PCNX2: variants seen among roughly 807,000 people sequenced by gnomAD.
PCNX2 encodes pecanex-like protein 2.
PCNX2 carries 168 observed loss-of-function variants against 223.8 expected under a neutral mutation model. The observed-to-expected ratio is 0.75, with a 90% confidence interval of 0.66 to 0.85. The LOEUF is 0.85. PCNX2 is among the 40% of genes least tolerant of loss of function. The pLI is 0.00. For missense variants in PCNX2, 2,507 were observed against 2,675.5 expected (o/e 0.94, Z 1.39); for synonymous variants, 1,006 against 1,052.6 (o/e 0.96, Z 0.86).
intron 7 of PCNX2, among the ~76,000 whole-genome samples, 140 bp downstream of exon 7, chr1:233,252,201 GCACACTCCATTCA>G (rs1659497181): frequency 6.6e-6 from 1 of 152,238 alleles, no homozygotes; most frequent in Non-Finnish European, 1.5e-5. Context: ...ATGGGAGGCA[GCACACTCCATTCA>G]AAGAACAGTA....
intron 23 of PCNX2, chr1:233,086,934 G>A (rs1251299173): frequency 1.3e-6 from 1 of 793,030 alleles, no homozygotes; most frequent in Non-Finnish European, 1.5e-6. Context: ...TTTTAGGACA[G>A]CTATCCTAGA....
Position 232,999,203 on chromosome 1 carries a change from G to C in PCNX2, c.5505C>G (p.Thr1835=). ...LGYPMYVSPL[T]TSYLGTHRQL... is the part of the protein sequence containing the mutation. The stretch of plus-strand genomic sequence containing the variant: ...GCCTGTGTGTCCCTAGGTAGGATGT[G>C]GTTAGTGGGGAGACATACATGGGGT... Residue 1835 remains threonine (T), a synonymous_variant, in exon 31 of 34, where the codon ACC becomes ACG. Coordinates refer to ENST00000258229, the MANE Select transcript of PCNX2 (RefSeq NM_014801.4). 6.2e-7 allele frequency: 1 copy of C among 1,613,928 alleles called. No homozygotes were observed. Among genetic ancestry groups the C allele is most frequent in the Admixed American group, 1.7e-5 (1 of 60,018 alleles).
In PCNX2 at chr1:233,014,658, C is replaced by G. The variant is rs75089072; in HGVS notation, c.4952+7G>C. On this transcript the variant is annotated splice_region_variant and intron_variant, in intron 28 of 33. Coordinates refer to ENST00000258229, the MANE Select transcript of PCNX2 (RefSeq NM_014801.4). ...CCTAAGAGATTCTAACTTCTCCCCC[C>G]AGGTACCTGATGGCCATATTGTGAG... 8 of 1,611,380 alleles carry G rather than the reference C, an allele frequency of 5.0e-6. No homozygotes were observed. In the South Asian group the frequency reaches 7.7e-5, roughly 15 times the overall value.
At chr1:233,317,124 G>A in the PCNX2 span, among the ~76,000 whole-genome samples, 1 of 152,190 alleles carries the variant, frequency 6.6e-6, no homozygotes, top group East Asian at 1.9e-4. Context: ...GAATACTGGT[G>A]ACAACAGGGC....
At chr1:233,088,559 G>A (rs1324140581) in intron 23 of PCNX2, among the ~76,000 whole-genome samples, 2 of 152,106 alleles carry the variant, frequency 1.3e-5, no homozygotes, top group Non-Finnish European at 1.5e-5. Flanking sequence ...AAATGCAAAT[G>A]AGCAGCCTTG....
At chr1:233,231,522 G>T in intron 9 of PCNX2, 1 of 572,944 alleles carries the variant, frequency 1.7e-6, no homozygotes, top group Non-Finnish European at 2.2e-6. Flanking sequence ...AGTCAGAACA[G>T]GCACAGATGG....
At chr1:233,119,077 C>T (rs915033586) in intron 21 of PCNX2, among the ~76,000 whole-genome samples, 2 of 151,918 alleles carry the variant, frequency 1.3e-5, no homozygotes, top group African/African-American at 4.8e-5. Context: ...TGATTTTGAC[C>T]AAGGTGCAAA....
At chr1:233,134,322 C>G (rs970434208) in intron 21 of PCNX2, among the ~76,000 whole-genome samples, 5 of 152,112 alleles carry the variant, frequency 3.3e-5, no homozygotes, top group African/African-American at 1.2e-4. Flanking sequence ...TGGAGAACTC[C>G]CAAGTATCCA....
chr1:233,101,930 G>C (rs1007895280), intron 21 of PCNX2, among the ~76,000 whole-genome samples: 4 of 152,136 alleles, frequency 2.6e-5, no homozygotes, highest in Non-Finnish European at 5.9e-5. Context: ...TGTCATCCAT[G>C]ATAAACCAAA....
intron 1 of PCNX2, among the ~76,000 whole-genome samples, chr1:233,273,665 C>T (rs867963123): frequency 1.3e-5 from 2 of 151,420 alleles, no homozygotes; most frequent in African/African-American, 4.8e-5. Flanking sequence ...ACTCTGTCGC[C>T]AGGGCCGAAG....
chr1:233,209,418 C>T (rs903504004), intron 12 of PCNX2, among the ~76,000 whole-genome samples: 1 of 151,766 alleles, frequency 6.6e-6, no homozygotes, highest in Non-Finnish European at 1.5e-5. Flanking sequence ...CAAAAGCCAA[C>T]AAAAAATTTA....
chr1:233,073,146 A>C (rs1369733884), intron 23 of PCNX2, among the ~76,000 whole-genome samples: 2 of 152,084 alleles, frequency 1.3e-5, no homozygotes. Context: ...GAATTTCTCC[A>C]TTTCATCTAG....
chr1:233,319,013 T>C, the PCNX2 span, among the ~76,000 whole-genome samples: 158 of 152,252 alleles, frequency 1.0e-3, no homozygotes, highest in African/African-American at 3.5e-3. Context: ...ATCCAGGACA[T>C]TTGTCCACCT....
chr1:233,090,235 G>C, intron 22 of PCNX2, 45 bp from the exon 23 acceptor site: 2 of 1,585,962 alleles, frequency 1.3e-6, no homozygotes, highest in South Asian at 2.4e-5. Context: ...ATGATTCTTA[G>C]ATTTTTAAAA....
chr1:233,251,380 G>A (rs1659441774), intron 7 of PCNX2, among the ~76,000 whole-genome samples: 2 of 152,314 alleles, frequency 1.3e-5, no homozygotes, highest in Admixed American at 6.5e-5. Context: ...GAATTAATTT[G>A]CAGAGCTCAA....
chr1:233,305,837 T>C, the PCNX2 span, among the ~76,000 whole-genome samples: 1 of 151,980 alleles, frequency 6.6e-6, no homozygotes. Flanking sequence ...GAGGCAGTAA[T>C]GGAGGAAGAG....
chr1:233,306,180 T>C, the PCNX2 span, among the ~76,000 whole-genome samples: 8 of 152,202 alleles, frequency 5.3e-5, no homozygotes, highest in Non-Finnish European at 1.2e-4. Flanking sequence ...CGTTTTATAA[T>C]GATTAAAGGG....
rs1228590022 is a variant in PCNX2 at position 233,139,441 on chromosome 1, CACTG to C, written c.3659+269_3659+272del. Among the ~76,000 whole-genome samples, 1 of 152,194 alleles carries C rather than the reference CACTG, an allele frequency of 6.6e-6. No homozygotes were observed. The highest frequency in any genetic ancestry group is 2.4e-5 in the African/African-American group (1 of 41,446). On this transcript the variant is annotated intron_variant, in intron 20 of 33. Coordinates refer to ENST00000258229, the MANE Select transcript of PCNX2 (RefSeq NM_014801.4). The surrounding 1 kb of genome is among the most constrained non-coding windows in gnomAD (Gnocchi z 4.4). ...GTGCTTCCGTCTTCTTATTAAGGCT[CACTG>C]ACTAAGCTTCTGCAGGATGATTTTC... is the stretch of plus-strand genomic sequence containing the variant.
In PCNX2 at chr1:232,985,670, C is replaced by T. The variant is rs115935331; in HGVS notation, c.6240+422G>A. 3.7e-3 allele frequency: 1,535 copies of T among 418,202 alleles called. 20 individuals are homozygous for T. The highest frequency in any genetic ancestry group is 0.026 in the African/African-American group (1,290 of 49,918). The allele number at this position is 418,202 out of a possible 1,614,324, so 25.9% of individuals were successfully genotyped here. ...CATCTCAGCAGCTTTAAAGTCAAAT[C>T]GATTGGCTGAGAAGCAGTGAAGCTC... On this transcript the variant is annotated intron_variant, in intron 33 of 33. Coordinates refer to ENST00000258229, the MANE Select transcript of PCNX2 (RefSeq NM_014801.4).
Sources: gnomAD v4.1 joint callset for allele counts (sites outside exome capture counted in the v4.1 genomes callset) on GRCh38, gnomAD v4.1.1 for gene constraint, Gnocchi (gnomAD v3.1) non-coding constraint, MANE v1.5 for transcripts, NCBI Gene and HGNC (gene_info 2026-07-23, HGNC 2026-07-21) for gene names.